Variants in DNAH5 observed in about 807,000 individuals in gnomAD.
DNAH5 encodes the protein dynein axonemal heavy chain 5, also known as axonemal beta dynein heavy chain 5.
Under a neutral mutation model 518.2 loss-of-function variants are expected in DNAH5, and 372 were observed. That is an observed-to-expected ratio of 0.72 (90% CI 0.66 to 0.78). The LOEUF (loss-of-function observed/expected upper bound fraction) is 0.78, where lower values mean the gene tolerates loss of function less well. Ranked by LOEUF, DNAH5 falls within the 30% of genes least tolerant of loss-of-function variation. The pLI is 0.00. For synonymous variants in DNAH5, 2,039 were observed against 2,025.9 expected (o/e 1.01, Z -0.17); for missense variants, 5,523 against 5,687.0 (o/e 0.97, Z 0.93).
intron 50 of DNAH5, among the ~76,000 whole-genome samples, chr5:13,789,145 C>A (rs926434804): frequency 6.6e-6 from 1 of 152,148 alleles, no homozygotes; most frequent in Non-Finnish European, 1.5e-5. Context: ...AATCCTCCAA[C>A]AATAATATTG....
At chr5:13,981,199 T>C (rs1326754062) in intron 1 of DNAH5, among the ~76,000 whole-genome samples, 5 of 152,140 alleles carry the variant, frequency 3.3e-5, no homozygotes, top group Non-Finnish European at 7.4e-5. Context: ...GCACCCAGAA[T>C]AGCCCCTGGT....
At chr5:13,748,813 T>C (rs1749790594) in intron 65 of DNAH5, among the ~76,000 whole-genome samples, 1 of 152,174 alleles carries the variant, frequency 6.6e-6, no homozygotes, top group Non-Finnish European at 1.5e-5. Context: ...TATACAATCA[T>C]GTCATCTGCA....
In DNAH5 at chr5:13,830,729, C is replaced by T; in HGVS notation, c.5929G>A (p.Ala1977Thr). The T allele has an allele frequency of 6.2e-7, 1 of 1,614,128 alleles. No individual in the cohort carries two copies. Reference protein sequence around the residue: ...AQALGMSMGGAPAGPAGTGKT... With the variant: ...AQALGMSMGGTPAGPAGTGKT... ...CCTGTGCCTGCAGGTCCAGCAGGGG[C>T]TCCCCCCATGCTCATTCCCAGAGCT... The change falls in exon 36 of 79, where the codon GCC (alanine) becomes ACC (threonine). Residue 1977 changes from alanine (A) to threonine (T), a missense_variant. Ala to Thr is a moderately conservative substitution (Grantham distance 58, BLOSUM62 0). Around this residue, in one of 3 missense-constraint regions of DNAH5, gnomAD observed 5,121 missense variants for 5,223.3 expected, o/e 0.98. Transcript: ENST00000265104.
At position 13,807,743 on chromosome 5, in the gene DNAH5, G is replaced by C; in HGVS notation, c.7753-18C>G. On this transcript the variant is annotated intron_variant, in intron 46 of 78. Coordinates refer to ENST00000265104, the MANE Select transcript of DNAH5 (RefSeq NM_001369.3). ...AGCACAGCCTAAAATAGAGGGAATT[G>C]AAAAAAAAAGAAATGAAATAAATGA... 1 of 1,564,902 alleles carries C rather than the reference G, an allele frequency of 6.4e-7. No individual in the cohort carries two copies. The highest frequency in any genetic ancestry group is 8.7e-7 in the Non-Finnish European group (1 of 1,149,342).
In DNAH5 at chr5:13,708,232, G is replaced by C. The variant is rs146334067; in HGVS notation, c.13229C>G (p.Thr4410Ser). ...AATAGCAAGTTTCAGCTCAGTGAGGGTGCTGCGGACAAGGCTGAGTACCCT... is the reference window on the plus strand; with the variant it reads ...AATAGCAAGTTTCAGCTCAGTGAGGCTGCTGCGGACAAGGCTGAGTACCCT... ...MQRVLSLVRS[T>S]LTELKLAIDG... The change falls in exon 76 of 79, where the codon ACC (threonine) becomes AGC (serine). Residue 4410 changes from threonine (T) to serine (S), a missense_variant. Physicochemically the swap from Thr to Ser is moderately conservative, Grantham distance 58. Coordinates refer to ENST00000265104, the MANE Select transcript of DNAH5 (RefSeq NM_001369.3). The C allele has an allele frequency of 1.7e-5, 28 of 1,614,032 alleles. No individual in the cohort carries two copies. Among genetic ancestry groups the C allele is most frequent in the Non-Finnish European group, 2.3e-5 (27 of 1,180,014 alleles).
At chr5:13,728,523 A>G (rs1746067496) in intron 69 of DNAH5, among the ~76,000 whole-genome samples, 1 of 152,202 alleles carries the variant, frequency 6.6e-6, no homozygotes, top group South Asian at 2.1e-4. Flanking sequence ...TCATCTCCAG[A>G]AGGTAGCAAC....
chr5:13,976,433 C>T (rs1184916395), intron 1 of DNAH5, among the ~76,000 whole-genome samples: 2 of 152,116 alleles, frequency 1.3e-5, no homozygotes, highest in Non-Finnish European at 2.9e-5. Context: ...GTCCAGAGTA[C>T]CCATGCTGTA....
chr5:13,882,208 C>T (rs867409612), intron 21 of DNAH5, among the ~76,000 whole-genome samples: 11 of 152,004 alleles, frequency 7.2e-5, no homozygotes, highest in Admixed American at 2.0e-4. Flanking sequence ...CAGATGGTTG[C>T]ATAGCTAAAT....
intron 68 of DNAH5, among the ~76,000 whole-genome samples, chr5:13,731,205 G>A (rs1746499700): frequency 6.6e-6 from 1 of 152,136 alleles, no homozygotes; most frequent in Non-Finnish European, 1.5e-5. Flanking sequence ...GGTCAGTATG[G>A]CCTTGAAGCC....
chr5:13,920,153 CTT>C (rs1777098246), intron 6 of DNAH5, among the ~76,000 whole-genome samples: 2 of 152,200 alleles, frequency 1.3e-5, no homozygotes, highest in African/African-American at 4.8e-5. Flanking sequence ...CTCAAGCTCC[CTT>C]TTGGAGGACA....
intron 4 of DNAH5, among the ~76,000 whole-genome samples, chr5:13,922,727 C>CAAAAAAA (rs35310788): frequency 1.1e-5 from 1 of 94,458 alleles, no homozygotes; most frequent in African/African-American, 4.0e-5. Flanking sequence ...GACCCTGTCT[C>CAAAAAAA]AAAAAAAAAA....
At chr5:13,927,394 G>A (rs903878793) in intron 3 of DNAH5, among the ~76,000 whole-genome samples, 2 of 152,118 alleles carry the variant, frequency 1.3e-5, no homozygotes, top group African/African-American at 4.8e-5. Flanking sequence ...GGCTGGGACT[G>A]TACTTTGGGA....
At chr5:13,773,746 C>T (rs149523396) in intron 55 of DNAH5, among the ~76,000 whole-genome samples, 3 of 152,186 alleles carry the variant, frequency 2.0e-5, no homozygotes, top group East Asian at 3.9e-4. Flanking sequence ...GAAGAAAAAG[C>T]ACAGAGTGCT....
rs1252341912 is a variant in DNAH5 at position 13,823,302 on chromosome 5, C to T, written c.6648G>A (p.Lys2216=). The stretch of plus-strand genomic sequence containing the variant: ...CTGCTTCCAGTTCAGGGTAACCTGC[C>T]TTGTCCAGAAGAATATTTGGAAAGA... ...EDLFPNILLD[K]AGYPELEAAI... The change falls in exon 40 of 79, where the codon AAG becomes AAA. Residue 2216 remains lysine (K), a synonymous_variant. Coordinates refer to ENST00000265104, the MANE Select transcript of DNAH5 (RefSeq NM_001369.3). 2 of 1,613,952 alleles carry T rather than the reference C, an allele frequency of 1.2e-6. No individual in the cohort carries two copies. The highest frequency in any genetic ancestry group is 8.5e-7 in the Non-Finnish European group (1 of 1,179,890).
chr5:13,999,023 C>T (rs887017189), intron 1 of DNAH5, among the ~76,000 whole-genome samples: 1 of 152,126 alleles, frequency 6.6e-6, no homozygotes, highest in Non-Finnish European at 1.5e-5. Context: ...AGGCATGCGC[C>T]ACCATGCCCA....
intron 58 of DNAH5, among the ~76,000 whole-genome samples, chr5:13,767,065 T>C (rs966068681): frequency 1.3e-5 from 2 of 152,162 alleles, no homozygotes; most frequent in Non-Finnish European, 2.9e-5. Flanking sequence ...AACACTAAAC[T>C]TGGTAAATTA....
chr5:13,718,990 T>A lies in DNAH5; in HGVS notation c.12391A>T (p.Thr4131Ser), dbSNP rs769491725. 1 of 1,613,894 alleles carries A rather than the reference T, an allele frequency of 6.2e-7. No individual in the cohort carries two copies. Among genetic ancestry groups the A allele is most frequent in the Non-Finnish European group, 8.5e-7 (1 of 1,179,916 alleles). Residue 4131 changes from threonine (T) to serine (S), a missense_variant, in exon 72 of 79, where the codon ACC becomes TCC. Physicochemically the swap from Thr to Ser is moderately conservative, Grantham distance 58. Transcript: ENST00000265104. ...LVHDAFRLWM[T>S]TEAHKQFPIT... ...GGAAACTGCTTATGAGCCTCGGTGG[T>A]CATCCAGAGGCGGAACGCATCATGT...
intron 38 of DNAH5, among the ~76,000 whole-genome samples, 180 bp from the exon 39 acceptor site, chr5:13,824,513 A>AT (rs1762644176): frequency 6.6e-6 from 1 of 152,238 alleles, no homozygotes; most frequent in African/African-American, 2.4e-5. Context: ...CAAATAGGGA[A>AT]TATCCCAAAG....
In DNAH5 at chr5:13,841,078, A is replaced by G. The variant is rs745688332; in HGVS notation, c.5537T>C (p.Leu1846Pro). 3 of 1,614,034 alleles carry G rather than the reference A, an allele frequency of 1.9e-6. No homozygotes were observed. Among genetic ancestry groups the G allele is most frequent in the Non-Finnish European group, 2.5e-6 (3 of 1,180,020 alleles). ...TTTTTTATCAAACTTGGCATTTCTA[A>G]GGGCTTCTTCTGAATCCCGTGTCCA... ...MIWTRDSEEA[L>P]RNAKFDKKIM... Residue 1846 changes from leucine to proline, a missense_variant, in exon 34 of 79, where the codon CTT becomes CCT. Transcript: ENST00000265104.
Sources: gnomAD v4.1 joint callset for allele counts (sites outside exome capture counted in the v4.1 genomes callset) on GRCh38, gnomAD v4.1.1 for gene constraint, gnomAD v4.1.1 regional missense constraint, MANE v1.5 for transcripts, NCBI Gene and HGNC (gene_info 2026-07-23, HGNC 2026-07-21) for gene names.